Variants in RIMS1 observed in about 807,000 individuals in gnomAD.
RIMS1 encodes regulating synaptic membrane exocytosis 1.
In RIMS1, 83 loss-of-function variants were observed where a neutral mutation model predicts 214.1. The observed-to-expected ratio is 0.39, with a 90% CI of 0.32 to 0.47. RIMS1 has a LOEUF of 0.47. Ranked by LOEUF, RIMS1 falls within the 20% of genes least tolerant of loss-of-function variation. The pLI, the probability that RIMS1 is intolerant of heterozygous loss-of-function variation, is 0.99. For synonymous variants in RIMS1, 793 were observed against 786.8 expected, an observed-to-expected ratio of 1.01 and a Z score of -0.13; for missense variants, 2,050 against 2,161.8, an observed-to-expected ratio of 0.95 and a Z score of 1.03.
chr6:72,312,048 A>C (rs1018513965), intron 27 of RIMS1, among the ~76,000 whole-genome samples: 1 of 152,208 alleles, frequency 6.6e-6, no homozygotes, highest in Admixed American at 6.5e-5. Context: ...AATAAACATG[A>C]GACCTTTCTC....
intron 4 of RIMS1, chr6:72,126,837 G>C (rs1018504512): frequency 1.2e-5 from 2 of 163,192 alleles, no homozygotes; most frequent in African/African-American, 4.8e-5. Context: ...CTGGTAGGAA[G>C]GTAAACTAGT....
intron 2 of RIMS1, among the ~76,000 whole-genome samples, chr6:71,975,461 C>G (rs1267943038): frequency 6.6e-6 from 1 of 152,126 alleles, no homozygotes; most frequent in Non-Finnish European, 1.5e-5. Flanking sequence ...ATTATGTTTG[C>G]TTTTCTGTGG....
chr6:71,995,786 C>G (rs945070081), intron 2 of RIMS1, among the ~76,000 whole-genome samples: 1 of 152,010 alleles, frequency 6.6e-6, no homozygotes, highest in Non-Finnish European at 1.5e-5. Context: ...TGGTATCTAT[C>G]TATTCACATA....
chr6:72,242,170 G>T (rs2067242200), intron 9 of RIMS1, 144 bp from the exon 10 acceptor site: 1 of 625,096 alleles, frequency 1.6e-6, no homozygotes, highest in Non-Finnish European at 2.7e-6. Context: ...GACATTATAT[G>T]GCAATCAATT....
intron 2 of RIMS1, among the ~76,000 whole-genome samples, chr6:71,991,239 A>G (rs907910902): frequency 3.9e-5 from 6 of 152,068 alleles, no homozygotes; most frequent in Admixed American, 6.5e-5. Flanking sequence ...CCTCTGGACT[A>G]TATGAATCAC....
chr6:72,251,248 G>C lies in RIMS1; in HGVS notation c.2578G>C (p.Asp860His). 6.3e-7 allele frequency: 1 copy of C among 1,598,342 alleles called. No homozygotes were observed. The highest frequency in any genetic ancestry group is 8.5e-7 in the Non-Finnish European group (1 of 1,171,510). ...LIELETALLDDEPHWYKLQTH... is the reference protein window; with the variant it reads ...LIELETALLDHEPHWYKLQTH... Reference sequence around the variant, plus strand: ...AGAATTGGAGACAGCGCTTTTAGATGATGAACCGCATTGGTATAAACTTCA... The same window carrying C: ...AGAATTGGAGACAGCGCTTTTAGATCATGAACCGCATTGGTATAAACTTCA... The change falls in exon 15 of 34, where the codon GAT (aspartate) becomes CAT (histidine). Residue 860 changes from aspartate (D) to histidine (H), a missense_variant. Physicochemically the swap from Asp to His is moderately conservative, Grantham distance 81. Transcript: ENST00000521978.
intron 2 of RIMS1, among the ~76,000 whole-genome samples, chr6:72,093,228 A>AGATATATATATATATATATATATATATAT (rs200655727): frequency 7.3e-6 from 1 of 136,964 alleles, no homozygotes; most frequent in Non-Finnish European, 1.6e-5. Context: ...ATATATATAT[A>AGATATATATATATATATATATATATATAT]AAAACATGTG....
chr6:72,183,709 T>A (rs1484425863), intron 6 of RIMS1, among the ~76,000 whole-genome samples: 1 of 152,234 alleles, frequency 6.6e-6, no homozygotes, highest in African/African-American at 2.4e-5. Flanking sequence ...CTGGATTTTT[T>A]TTTTGAGAAT....
At chr6:72,323,819 C>G (rs1222133697) in intron 28 of RIMS1, among the ~76,000 whole-genome samples, 1 of 151,664 alleles carries the variant, frequency 6.6e-6, no homozygotes. Flanking sequence ...AAAAGAATCT[C>G]AGGGGAAAAA....
chr6:71,906,518 G>A (rs1224041125), intron 1 of RIMS1, among the ~76,000 whole-genome samples: 1 of 152,160 alleles, frequency 6.6e-6, no homozygotes, highest in Non-Finnish European at 1.5e-5. Flanking sequence ...ATGTTCCACA[G>A]AACTGGGAAA....
At chr6:72,339,344 A>C (rs866365509) in intron 29 of RIMS1, among the ~76,000 whole-genome samples, 1 of 152,108 alleles carries the variant, frequency 6.6e-6, no homozygotes, top group South Asian at 2.1e-4. Context: ...CAGGTTTGTT[A>C]CATATGTATA....
At chr6:72,247,889 T>C in intron 11 of RIMS1, 126 bp from the exon 12 acceptor site, 1 of 650,980 alleles carries the variant, frequency 1.5e-6, no homozygotes, top group Non-Finnish European at 2.8e-6. Context: ...ATCTATCCCA[T>C]TAAAAGTAGG....
At chr6:72,353,762 C>T (rs1033310446) in intron 29 of RIMS1, among the ~76,000 whole-genome samples, 1 of 152,138 alleles carries the variant, frequency 6.6e-6, no homozygotes, top group Admixed American at 6.5e-5. Flanking sequence ...AAATAACAGG[C>T]ATGTACATTT....
intron 18 of RIMS1, among the ~76,000 whole-genome samples, chr6:72,259,778 C>T (rs1408294225): frequency 6.6e-6 from 1 of 152,146 alleles, no homozygotes; most frequent in East Asian, 1.9e-4. Context: ...TATACCTGTA[C>T]AATTAGCCTG....
intron 29 of RIMS1, among the ~76,000 whole-genome samples, chr6:72,377,651 C>A: frequency 6.6e-6 from 1 of 152,162 alleles, no homozygotes; most frequent in East Asian, 1.9e-4. Context: ...TTCTTATAAA[C>A]TGCCTGTATT....
rs184300975 is a variant in RIMS1, at chr6:71,938,733, G to A, written c.165-30250G>A. ...ACAGCTCTGGACCTGTGATGGGAGG[G>A]GCAACCTTGAATGTCTCTGAAATGC... On this transcript the variant is annotated intron_variant, in intron 1 of 33. Transcript: ENST00000521978. Among the ~76,000 whole-genome samples the A allele has an allele frequency of 1.7e-3, 258 of 152,214 alleles. 1 individual carries two copies. The highest frequency in any genetic ancestry group is 5.9e-3 in the African/African-American group (243 of 41,528).
At chr6:72,323,534 G>A (rs1367286879) in intron 28 of RIMS1, among the ~76,000 whole-genome samples, 1 of 151,824 alleles carries the variant, frequency 6.6e-6, no homozygotes, top group Non-Finnish European at 1.5e-5. Context: ...AGAAAGTATA[G>A]GAGTTGATGT....
chr6:72,386,424 C>G lies in RIMS1; in HGVS notation c.4367-4174C>G, dbSNP rs1234987942. On this transcript the variant is annotated intron_variant, in intron 29 of 33. Transcript: ENST00000521978. ...AGAGCCTCTGGGTTGGAGTCAACAT[C>G]GACATTACAAAGACTGGAGAGGAAG... is the stretch of plus-strand genomic sequence containing the variant. Among the ~76,000 whole-genome samples, 5 of 152,124 alleles carry G rather than the reference C, an allele frequency of 3.3e-5. No homozygotes were observed. In the South Asian group the frequency reaches 1.0e-3, roughly 32 times the overall value.
intron 4 of RIMS1, among the ~76,000 whole-genome samples, chr6:72,151,568 TC>T (rs1487157507): frequency 6.6e-6 from 1 of 152,220 alleles, no homozygotes; most frequent in Non-Finnish European, 1.5e-5. Context: ...TCTTGTGTTG[TC>T]AATAAGTTCT....
Sources: allele counts gnomAD v4.1 joint callset (sites outside exome capture counted in the v4.1 genomes callset), GRCh38; gene constraint gnomAD v4.1.1; transcripts MANE v1.5; gene names NCBI Gene and HGNC (gene_info 2026-07-23, HGNC 2026-07-21).